MED13: variants seen among roughly 807,000 people sequenced by gnomAD.
MED13 encodes mediator complex subunit 13, also known as mediator of RNA polymerase II transcription subunit 13.
In MED13, 23 loss-of-function variants were observed where a neutral mutation model predicts 225.2. The observed-to-expected ratio is 0.10, with a 90% CI of 0.07 to 0.14. The LOEUF (loss-of-function observed/expected upper bound fraction) is 0.14, where lower values mean the gene tolerates loss of function less well. MED13 is among the 10% of genes least tolerant of loss of function. The pLI is 1.00. For synonymous variants in MED13, 942 were observed against 889.2 expected, an observed-to-expected ratio of 1.06 and a Z score of -1.06; for missense variants, 2,197 against 2,594.5, an observed-to-expected ratio of 0.85 and a Z score of 3.33.
intron 11 of MED13, among the ~76,000 whole-genome samples, chr17:61,990,627 G>GTATGTATATATATA (rs1555635070): frequency 2.9e-5 from 4 of 139,004 alleles, no homozygotes; most frequent in African/African-American, 1.1e-4. Context: ...GGCGCACTGT[G>GTATGTATATATATA]TATATATATA....
In MED13 at chr17:62,010,697, T is replaced by C. The variant is rs1239695490; in HGVS notation, c.1820A>G (p.Glu607Gly). The change falls in exon 9 of 30, where the codon GAA becomes GGA. Residue 607 changes from glutamate to glycine, a missense_variant. Physicochemically the swap from Glu to Gly is moderately conservative, Grantham distance 98. Coordinates refer to ENST00000397786, the MANE Select transcript of MED13 (RefSeq NM_005121.3). ...CCAGGCTATATTGGCTTCATCTTCT[T>C]CCAAGTTTACTGCTGTACCAACATA... ...TVYVGTAVNL[E>G]EDEANIAWKY... 3 of 1,562,510 alleles carry C rather than the reference T, an allele frequency of 1.9e-6. No individual in the cohort carries two copies. Among genetic ancestry groups the C allele is most frequent in the Non-Finnish European group, 2.6e-6 (3 of 1,153,276 alleles).
At chr17:62,021,016 G>A (rs2080637704) in intron 8 of MED13, among the ~76,000 whole-genome samples, 1 of 150,502 alleles carries the variant, frequency 6.6e-6, no homozygotes, top group Non-Finnish European at 1.5e-5. Context: ...TAAGGTCACA[G>A]ATCAACAGGA....
At chr17:62,046,482 G>C (rs2080898911) in intron 3 of MED13, among the ~76,000 whole-genome samples, 1 of 152,158 alleles carries the variant, frequency 6.6e-6, no homozygotes, top group African/African-American at 2.4e-5. Flanking sequence ...AAAAACACTA[G>C]TGCTCAATTA....
chr17:61,961,519 C>CA (rs56723756), intron 22 of MED13, 69 bp downstream of exon 22: 57,505 of 721,158 alleles, frequency 0.08, 17 homozygotes, highest in Non-Finnish European at 0.09. Flanking sequence ...GGCTCCATCT[C>CA]AAAAAAAAAA....
rs752445455 is a variant in MED13, at chr17:62,011,157, G to T, written c.1360C>A (p.Pro454Thr). The change falls in exon 9 of 30, where the codon CCT (proline) becomes ACT (threonine). Residue 454 changes from proline to threonine, a missense_variant. Physicochemically the swap from Pro to Thr is conservative, Grantham distance 38. Around this residue, in one of 12 missense-constraint regions of MED13, gnomAD observed 884 missense variants for 918.5 expected, o/e 0.96. Transcript: ENST00000397786. ...TGCTTCTCATTGGTCTTGTGCTTAG[G>T]AAGTATTTGTTGTTGCTGACCTAAA... ...PSLGQQQQILPKHKTNEKQEK... is the reference protein window; with the variant it reads ...PSLGQQQQILTKHKTNEKQEK... The T allele has an allele frequency of 3.1e-6, 5 of 1,614,182 alleles. No homozygotes were observed. Among genetic ancestry groups the T allele is most frequent in the East Asian group, 2.2e-5 (1 of 44,892 alleles).
intron 6 of MED13, chr17:62,030,792 T>C (rs901245433): frequency 1.3e-5 from 2 of 152,212 alleles, no homozygotes; most frequent in East Asian, 1.9e-4. Flanking sequence ...CATGAATCGA[T>C]GGGTCAGAAC....
intron 16 of MED13, among the ~76,000 whole-genome samples, chr17:61,981,764 T>C (rs1370975709): frequency 2.0e-5 from 3 of 152,246 alleles, no homozygotes; most frequent in African/African-American, 4.8e-5. Context: ...CTATCTATTA[T>C]ATGCTTTTTT....
At chr17:62,063,013 G>C (rs1436847839) in intron 2 of MED13, 54 bp downstream of exon 2, 34 of 1,330,980 alleles carry the variant, frequency 2.6e-5, no homozygotes, top group Non-Finnish European at 3.4e-5. Flanking sequence ...GACATTCTGG[G>C]AGAAGTATAC....
At chr17:61,959,470 T>C (rs1322172918) in intron 23 of MED13, among the ~76,000 whole-genome samples, 3 of 152,164 alleles carry the variant, frequency 2.0e-5, no homozygotes, top group African/African-American at 7.2e-5. Context: ...TTAATCAGTA[T>C]AAATATCCAA....
chr17:62,011,144 G>T lies in MED13; in HGVS notation c.1373C>A (p.Thr458Asn). 1 of 1,614,182 alleles carries T rather than the reference G, an allele frequency of 6.2e-7. No individual in the cohort carries two copies. Among genetic ancestry groups the T allele is most frequent in the Admixed American group, 1.7e-5 (1 of 60,026 alleles). ...TTCACTCTTTTCTTGCTTCTCATTG[G>T]TCTTGTGCTTAGGAAGTATTTGTTG... is the stretch of plus-strand genomic sequence containing the variant. ...QQQQILPKHK[T>N]NEKQEKSEKP... The change falls in exon 9 of 30, where the codon ACC (threonine) becomes AAC (asparagine). Residue 458 changes from threonine (T) to asparagine (N), a missense_variant. Physicochemically the swap from Thr to Asn is moderately conservative, Grantham distance 65. This residue lies in a region of MED13 where 884 missense variants were observed against 918.5 expected (regional missense o/e 0.96). Transcript: ENST00000397786.
intron 23 of MED13, among the ~76,000 whole-genome samples, chr17:61,960,076 G>A (rs1327374714): frequency 6.6e-6 from 1 of 151,972 alleles, no homozygotes; most frequent in Non-Finnish European, 1.5e-5. Context: ...TGCTTTTCAG[G>A]TTCTCCTGTA....
At chr17:62,009,763 G>A (rs1235039046) in intron 9 of MED13, among the ~76,000 whole-genome samples, 1 of 152,124 alleles carries the variant, frequency 6.6e-6, no homozygotes, top group African/African-American at 2.4e-5. Context: ...ACAAGGAAAT[G>A]TGTACCAAAC....
chr17:62,038,392 T>A (rs937833799), intron 3 of MED13, among the ~76,000 whole-genome samples: 49 of 152,096 alleles, frequency 3.2e-4, no homozygotes, highest in Non-Finnish European at 4.4e-5. Context: ...CAAAAAAAGA[T>A]ATTTAAAATG....
chr17:62,013,569 TCTTA>T (rs1333313735), intron 8 of MED13, among the ~76,000 whole-genome samples: 1 of 151,620 alleles, frequency 6.6e-6, no homozygotes, highest in Non-Finnish European at 1.5e-5. Context: ...ACAACTAATA[TCTTA>T]CTTGATGTTT....
At chr17:62,055,480 A>C (rs2080989631) in intron 2 of MED13, among the ~76,000 whole-genome samples, 1 of 152,084 alleles carries the variant, frequency 6.6e-6, no homozygotes, top group Non-Finnish European at 1.5e-5. Flanking sequence ...TTATGGTTTT[A>C]TTTTGTAAAA....
At position 61,984,174 on chromosome 17, in the gene MED13, T is replaced by A. The variant is rs2080228777; in HGVS notation, c.2885A>T (p.Glu962Val). Reference protein sequence around the residue: ...SSGPSMPFIKEGDGSNMDQEY... With the variant: ...SSGPSMPFIKVGDGSNMDQEY... The stretch of plus-strand genomic sequence containing the variant: ...ATTGTAACAACATAAATCATACCCC[T>A]CTTTGATGAATGGCATTGAAGGCCC... Residue 962 changes from glutamate to valine, a missense_variant, in exon 15 of 30, where the codon GAG (glutamate) becomes GTG (valine). By Grantham distance (121) the Glu-to-Val change is moderately radical. Around this residue, in one of 12 missense-constraint regions of MED13, gnomAD observed 160 missense variants for 184.8 expected, o/e 0.87. Transcript: ENST00000397786. The A allele has an allele frequency of 6.4e-7, 1 of 1,556,898 alleles. No homozygotes were observed. Among genetic ancestry groups the A allele is most frequent in the African/African-American group, 1.4e-5 (1 of 71,848 alleles).
At chr17:61,955,973 AAC>A in intron 24 of MED13, 135 bp from the exon 25 acceptor site, 1 of 1,316,278 alleles carries the variant, frequency 7.6e-7, no homozygotes, top group Non-Finnish European at 9.8e-7. Flanking sequence ...GTATTCCTCC[AAC>A]ACGAGTCATC....
intron 8 of MED13, among the ~76,000 whole-genome samples, chr17:62,019,945 T>C (rs1010722062): frequency 2.6e-5 from 4 of 151,986 alleles, no homozygotes; most frequent in Admixed American, 6.6e-5. Flanking sequence ...ACGGTTTCAC[T>C]GCGTTAGCCA....
chr17:62,038,181 G>C (rs1026050401), intron 3 of MED13, among the ~76,000 whole-genome samples: 1 of 152,068 alleles, frequency 6.6e-6, no homozygotes, highest in Admixed American at 6.5e-5. Context: ...AGTTGGGCTT[G>C]AGCCCAGGGG....
Sources: allele counts gnomAD v4.1 joint callset (sites outside exome capture counted in the v4.1 genomes callset), GRCh38; gene constraint gnomAD v4.1.1; regional missense constraint gnomAD v4.1.1; transcripts MANE v1.5; gene names NCBI Gene and HGNC (gene_info 2026-07-23, HGNC 2026-07-21).